The following RGS20 variants were observed in gnomAD, a reference collection of about 807,000 sequenced individuals.
The protein encoded by RGS20 is regulator of G protein signaling 20.
Under a neutral mutation model 33.6 loss-of-function variants are expected in RGS20, and 30 were observed. The observed-to-expected ratio is 0.89, with a 90% CI of 0.67 to 1.21. The LOEUF is 1.21. Ranked by LOEUF, RGS20 falls within the 50% of genes most tolerant of loss-of-function variation. The pLI is 0.00. For synonymous variants in RGS20, 208 were observed against 197.9 expected (o/e 1.05, Z -0.43); for missense variants, 472 against 502.4 (o/e 0.94, Z 0.58).
In RGS20 at chr8:53,948,295, G is replaced by A. The variant is rs180814302; in HGVS notation, c.743+1547G>A. Among the ~76,000 whole-genome samples, 507 of 136,912 alleles carry A rather than the reference G, an allele frequency of 3.7e-3. 4 individuals carry two copies. The highest frequency in any genetic ancestry group is 0.013 in the African/African-American group (491 of 37,470). 89.8% of individuals were successfully genotyped at this position (136,912 alleles called of 152,430 possible). ...TTATAGTATATATATTTATATATAC[G>A]ATATATGATACAGTATATATACATA... On this transcript the variant is annotated intron_variant, in intron 4 of 5. Transcript: ENST00000297313.
intron 1 of RGS20, among the ~76,000 whole-genome samples, chr8:53,860,456 G>GTTTTTGTAA (rs1338359719): frequency 6.6e-6 from 1 of 152,192 alleles, no homozygotes; most frequent in Non-Finnish European, 1.5e-5. Context: ...GTCTCAACAC[G>GTTTTTGTAA]TTTTTGTAAC....
At chr8:53,856,713 T>C (rs1445914473) in intron 1 of RGS20, among the ~76,000 whole-genome samples, 6 of 152,218 alleles carry the variant, frequency 3.9e-5, no homozygotes, top group African/African-American at 1.4e-4. Flanking sequence ...GCATTCTTTC[T>C]TAATTATAAA....
intron 1 of RGS20, among the ~76,000 whole-genome samples, chr8:53,860,371 T>C (rs574603173): frequency 2.6e-5 from 4 of 152,372 alleles, no homozygotes; most frequent in Admixed American, 1.3e-4. Context: ...TAAGGATTTA[T>C]ATTCAAGTGA....
intron 2 of RGS20, among the ~76,000 whole-genome samples, chr8:53,922,882 AACT>A: frequency 6.6e-6 from 1 of 152,096 alleles, no homozygotes; most frequent in African/African-American, 2.4e-5. Context: ...GCTGGTCTTG[AACT>A]CCTGGTCTCA....
intron 2 of RGS20, among the ~76,000 whole-genome samples, chr8:53,927,189 G>GT (rs1813824463): frequency 7.4e-6 from 1 of 135,936 alleles, no homozygotes; most frequent in South Asian, 2.3e-4. Context: ...TGCTCTTTTT[G>GT]TTTTTTGGGG....
At chr8:53,944,310 C>T (rs550964441) in intron 3 of RGS20, among the ~76,000 whole-genome samples, 32 of 152,202 alleles carry the variant, frequency 2.1e-4, no homozygotes, top group Non-Finnish European at 4.1e-4. Flanking sequence ...GAGGCCGAGG[C>T]GGGCAGATCA....
At position 53,902,252 on chromosome 8, in the gene RGS20, G is replaced by C. The variant is rs529233861; in HGVS notation, c.510+22650G>C. Among the ~76,000 whole-genome samples the C allele has an allele frequency of 2.0e-3, 298 of 152,212 alleles. 2 individuals carry two copies. The highest frequency in any genetic ancestry group is 3.3e-3 in the Admixed American group (51 of 15,290). On this transcript the variant is annotated intron_variant, in intron 2 of 5. Coordinates refer to ENST00000297313, the MANE Select transcript of RGS20 (RefSeq NM_170587.4). ...GGCCGGTCTCAACTCCACCCGCTGT[G>C]TCCTCCCAAAGTGCTGGGATTACAG...
At chr8:53,870,262 TACACACAC>T (rs112678663) in intron 1 of RGS20, among the ~76,000 whole-genome samples, 2 of 150,068 alleles carry the variant, frequency 1.3e-5, no homozygotes, top group South Asian at 2.1e-4. Context: ...GATATGTGTG[TACACACAC>T]ACACACACAC....
chr8:53,946,568 A>T, intron 3 of RGS20, 97 bp from the exon 3 acceptor site: 1 of 1,014,898 alleles, frequency 9.9e-7, no homozygotes, highest in Non-Finnish European at 1.5e-6. Flanking sequence ...AAATTCTATT[A>T]ATACTTGGGG....
chr8:53,933,436 A>C (rs1425643091), intron 2 of RGS20, among the ~76,000 whole-genome samples: 1 of 152,180 alleles, frequency 6.6e-6, no homozygotes, highest in African/African-American at 2.4e-5. Flanking sequence ...TAGCTGAAAA[A>C]CACAGCACAA....
intron 5 of RGS20, among the ~76,000 whole-genome samples, chr8:53,954,727 G>A (rs138931965): frequency 0.053 from 7,444 of 140,328 alleles, 643 homozygotes; most frequent in African/African-American, 0.18. Flanking sequence ...TCACTCTGTC[G>A]CCCAGGCTGG....
chr8:53,890,109 T>G (rs1194170766), intron 2 of RGS20, among the ~76,000 whole-genome samples: 2 of 152,198 alleles, frequency 1.3e-5, no homozygotes, highest in African/African-American at 2.4e-5. Context: ...TATGTTGGCC[T>G]TTTTCCTTCA....
intron 2 of RGS20, among the ~76,000 whole-genome samples, chr8:53,910,081 A>G (rs963172995): frequency 1.3e-5 from 2 of 152,232 alleles, no homozygotes; most frequent in African/African-American, 2.4e-5. Flanking sequence ...GTCATGAGGT[A>G]AAACACAGAG....
Position 53,955,176 on chromosome 8 carries a change from A to G in RGS20, c.978+866A>G, listed in dbSNP as rs374700547. Among the ~76,000 whole-genome samples, 515 of 151,018 alleles carry G rather than the reference A, an allele frequency of 3.4e-3. 2 individuals carry two copies. The highest frequency in any genetic ancestry group is 0.012 in the African/African-American group (491 of 41,254). ...AACATGACCAAACAGCTGCACCCAC[A>G]TTCACGGTTTTCAGATCACTTTGAC... On this transcript the variant is annotated intron_variant, in intron 5 of 5. Transcript: ENST00000297313.
At chr8:53,888,717 G>A (rs1018812901) in intron 2 of RGS20, among the ~76,000 whole-genome samples, 6 of 152,052 alleles carry the variant, frequency 3.9e-5, no homozygotes, top group Admixed American at 6.6e-5. Flanking sequence ...ATTCCGTCTC[G>A]CTTCCTTCCA....
chr8:53,935,533 C>T (rs1326309079), intron 2 of RGS20, among the ~76,000 whole-genome samples: 1 of 152,108 alleles, frequency 6.6e-6, no homozygotes, highest in Non-Finnish European at 1.5e-5. Flanking sequence ...TGGACACATA[C>T]ACCCTCCCAA....
intron 2 of RGS20, among the ~76,000 whole-genome samples, chr8:53,903,768 G>A (rs1813094014): frequency 6.6e-6 from 1 of 151,942 alleles, no homozygotes; most frequent in African/African-American, 2.4e-5. Flanking sequence ...TGCTGCTTCA[G>A]AAGGAGAAGC....
chr8:53,944,517 G>A (rs1814411984), intron 3 of RGS20, among the ~76,000 whole-genome samples: 1 of 147,014 alleles, frequency 6.8e-6, no homozygotes. Flanking sequence ...CAGCCTGGGA[G>A]ACAGAGCAAG....
intron 2 of RGS20, among the ~76,000 whole-genome samples, chr8:53,886,086 A>G (rs958346875): frequency 6.6e-6 from 1 of 152,178 alleles, no homozygotes; most frequent in Non-Finnish European, 1.5e-5. Flanking sequence ...CTTCTATTCA[A>G]ACAAGTACAG....
Sources: allele counts gnomAD v4.1 joint callset (sites outside exome capture counted in the v4.1 genomes callset), GRCh38; gene constraint gnomAD v4.1.1; transcripts MANE v1.5; gene names NCBI Gene and HGNC (gene_info 2026-07-23, HGNC 2026-07-21).